The following ITGA11 variants were observed in gnomAD, a reference collection of about 807,000 sequenced individuals.
The protein encoded by ITGA11 is integrin alpha-11.
In ITGA11, 97 loss-of-function variants were observed where a neutral mutation model predicts 141.9. The observed-to-expected ratio is 0.68, with a 90% CI of 0.58 to 0.81. The LOEUF is 0.81. Among genes scored for constraint, ITGA11 ranks in the 30% least tolerant of loss-of-function variants. The pLI, the probability that ITGA11 is intolerant of heterozygous loss-of-function variation, is 0.00. For synonymous variants in ITGA11, 658 were observed against 624.6 expected, an observed-to-expected ratio of 1.05 and a Z score of -0.80; for missense variants, 1,387 against 1,559.2, an observed-to-expected ratio of 0.89 and a Z score of 1.86.
At chr15:68,339,174 C>T (rs982034231) in intron 11 of ITGA11, among the ~76,000 whole-genome samples, 13 of 152,232 alleles carry the variant, frequency 8.5e-5, no homozygotes, top group Admixed American at 2.0e-4. Flanking sequence ...GAGCCCTAGG[C>T]AGCCCCAAAA....
intron 1 of ITGA11, among the ~76,000 whole-genome samples, chr15:68,412,761 C>T (rs1053101705): frequency 9.4e-5 from 14 of 149,552 alleles, no homozygotes; most frequent in African/African-American, 2.5e-4. Context: ...CTGCAACCTC[C>T]GCCTCCCAGG....
intron 3 of ITGA11, chr15:68,365,518 T>C (rs1473871188): frequency 6.2e-6 from 1 of 161,362 alleles, no homozygotes; most frequent in Non-Finnish European, 1.3e-5. Context: ...GGAAAGGAAG[T>C]GAGTCTGAAT....
chr15:68,310,009 T>C (rs1428276893), intron 26 of ITGA11, among the ~76,000 whole-genome samples: 1 of 152,236 alleles, frequency 6.6e-6, no homozygotes, highest in Non-Finnish European at 1.5e-5. Flanking sequence ...AAATCAGGAC[T>C]GGAAGGTGGA....
At position 68,325,567 on chromosome 15, in the gene ITGA11, C is replaced by G. The variant is rs1595859844; in HGVS notation, c.2212-326G>C. On this transcript the variant is annotated intron_variant, in intron 17 of 29. Coordinates refer to ENST00000315757, the MANE Select transcript of ITGA11 (RefSeq NM_001004439.2). The surrounding 1 kb of genome is among the most constrained non-coding windows in gnomAD (Gnocchi z 5.5). ...GAAGCCTGGCAGTGCCCGCCTGTAT[C>G]CCACCCCACCCACCACTCTCTTCAG... Among the ~76,000 whole-genome samples, 1 of 151,904 alleles carries G rather than the reference C, an allele frequency of 6.6e-6. No individual in the cohort carries two copies. The highest frequency in any genetic ancestry group is 6.5e-5 in the Admixed American group (1 of 15,280).
At position 68,322,017 on chromosome 15, in the gene ITGA11, G is replaced by C. The variant is rs1893830499; in HGVS notation, c.2323-514C>G. ...GGAAGCCTTCGAGGAAGTGACAGGG[G>C]ATCAGAGTTCTGAAGGACGGTCAAG... is the stretch of plus-strand genomic sequence containing the variant. On this transcript the variant is annotated intron_variant, in intron 18 of 29. Coordinates refer to ENST00000315757, the MANE Select transcript of ITGA11 (RefSeq NM_001004439.2). The surrounding 1 kb of genome is among the most constrained non-coding windows in gnomAD (Gnocchi z 5.6). Among the ~76,000 whole-genome samples the C allele has an allele frequency of 6.6e-6, 1 of 152,248 alleles. No individual in the cohort carries two copies. The highest frequency in any genetic ancestry group is 2.4e-5 in the African/African-American group (1 of 41,458).
intron 2 of ITGA11, among the ~76,000 whole-genome samples, chr15:68,380,489 G>T (rs1438042293): frequency 6.6e-6 from 1 of 152,192 alleles, no homozygotes; most frequent in African/African-American, 2.4e-5. Context: ...CCCAGTGAGG[G>T]CAGGGAGACT....
intron 2 of ITGA11, among the ~76,000 whole-genome samples, chr15:68,374,449 G>A (rs1239362757): frequency 6.6e-6 from 1 of 152,226 alleles, no homozygotes. Context: ...AGGCCAGGGA[G>A]AGAAGTGCTG....
chr15:68,376,325 G>A (rs1233604484), intron 2 of ITGA11, among the ~76,000 whole-genome samples: 2 of 152,158 alleles, frequency 1.3e-5, no homozygotes, highest in Non-Finnish European at 2.9e-5. Flanking sequence ...CCCCAAAGCG[G>A]CCTTTCCTGA....
In ITGA11 at chr15:68,301,006, A is replaced by C. The variant is rs1373634534; in HGVS notation, c.*2053T>G. 6.6e-6 allele frequency: 1 copy of C among 152,262 alleles called. No homozygotes were observed. The highest frequency in any genetic ancestry group is 1.5e-5 in the Non-Finnish European group (1 of 68,044). 9.4% of individuals were successfully genotyped at this position (152,262 alleles called of 1,614,324 possible). On this transcript the variant is annotated 3_prime_UTR_variant, in exon 30 of 30. Coordinates refer to ENST00000315757, the MANE Select transcript of ITGA11 (RefSeq NM_001004439.2). The surrounding 1 kb of genome is among the most constrained non-coding windows in gnomAD (Gnocchi z 4.4). ...CTCATTTAGCCAGGTTACCCCATTC[A>C]TAAGAGTGATGACGGAAATGGAATA...
intron 1 of ITGA11, among the ~76,000 whole-genome samples, chr15:68,408,038 A>C (rs1896688369): frequency 6.6e-6 from 1 of 152,152 alleles, no homozygotes; most frequent in Non-Finnish European, 1.5e-5. Flanking sequence ...GAAAGTCCAA[A>C]ATGTTCCATG....
chr15:68,366,491 C>A (rs985142353), intron 3 of ITGA11, among the ~76,000 whole-genome samples: 4 of 152,100 alleles, frequency 2.6e-5, no homozygotes, highest in African/African-American at 7.2e-5. Context: ...GGCTGGGTAA[C>A]CCTCGCCCCC....
chr15:68,387,101 C>T (rs1896003647), intron 2 of ITGA11, among the ~76,000 whole-genome samples: 1 of 151,800 alleles, frequency 6.6e-6, no homozygotes, highest in Non-Finnish European at 1.5e-5. Context: ...AGAAATCTGG[C>T]AAAGTGAAGG....
Position 68,296,656 on chromosome 15 carries a change from T to C in ITGA11, c.*6403A>G, listed in dbSNP as rs1892916671. 6.6e-6 allele frequency: 1 copy of C among 152,214 alleles called. No homozygotes were observed. The highest frequency in any genetic ancestry group is 2.1e-4 in the South Asian group (1 of 4,830). The allele number at this position is 152,214 out of a possible 1,614,324, so 9.4% of individuals were successfully genotyped here. ...ACTTGTTAGAAGTTCCTTAGAAGTT[T>C]GAGGACATTTTCTCTGTCATGTAAT... On this transcript the variant is annotated 3_prime_UTR_variant, in exon 30 of 30. Coordinates refer to ENST00000315757, the MANE Select transcript of ITGA11 (RefSeq NM_001004439.2).
At chr15:68,402,540 G>C (rs901025935) in intron 2 of ITGA11, among the ~76,000 whole-genome samples, 1 of 151,878 alleles carries the variant, frequency 6.6e-6, no homozygotes, top group Non-Finnish European at 1.5e-5. Context: ...TCGCTGCCTG[G>C]GTTTCAGCTA....
At chr15:68,368,859 C>CCT (rs1895503692) in intron 3 of ITGA11, among the ~76,000 whole-genome samples, 2 of 69,002 alleles carry the variant, frequency 2.9e-5, no homozygotes, top group African/African-American at 5.6e-5. Flanking sequence ...GACAGGAAGT[C>CCT]CTTTTTTTTT....
intron 4 of ITGA11, among the ~76,000 whole-genome samples, chr15:68,362,455 T>C (rs1895275265): frequency 6.6e-6 from 1 of 152,248 alleles, no homozygotes; most frequent in Non-Finnish European, 1.5e-5. Context: ...GGTTATGTTT[T>C]ATCTGTGTAC....
In ITGA11 at chr15:68,335,950, G is replaced by A; in HGVS notation, c.1277-105C>T. ...TGCCAGAGGATGGGCCAGTGATGGG[G>A]TAGGTTCAGGGCTAGCTGAGCAGAT... On this transcript the variant is annotated intron_variant, in intron 11 of 29. Coordinates refer to ENST00000315757, the MANE Select transcript of ITGA11 (RefSeq NM_001004439.2). This position sits in a 1 kb window ranked among gnomAD's most constrained non-coding sequence, Gnocchi z 4.9. 2 of 1,323,702 alleles carry A rather than the reference G, an allele frequency of 1.5e-6. No homozygotes were observed. Among genetic ancestry groups the A allele is most frequent in the Non-Finnish European group, 2.1e-6 (2 of 957,990 alleles). The allele number at this position is 1,323,702 out of a possible 1,614,324, so 82.0% of individuals were successfully genotyped here.
intron 2 of ITGA11, among the ~76,000 whole-genome samples, chr15:68,398,341 G>C (rs1220515940): frequency 6.6e-6 from 1 of 151,652 alleles, no homozygotes; most frequent in Non-Finnish European, 1.5e-5. Context: ...AAAAAGGCAG[G>C]GGTTGCAATC....
At position 68,313,768 on chromosome 15, in the gene ITGA11, G is replaced by T. The variant is rs1311128380; in HGVS notation, c.2882+11C>A. The T allele has an allele frequency of 1.2e-6, 2 of 1,612,240 alleles. No homozygotes were observed. The highest frequency in any genetic ancestry group is 1.7e-6 in the Non-Finnish European group (2 of 1,178,760). ...CCTTCCCTCTCCTGGGGCCCCCGGA[G>T]CCCGGCCCACCTGGTGAAGAGGACG... On this transcript the variant is annotated intron_variant, in intron 23 of 29. Coordinates refer to ENST00000315757, the MANE Select transcript of ITGA11 (RefSeq NM_001004439.2).
Sources: gnomAD v4.1 joint callset for allele counts (sites outside exome capture counted in the v4.1 genomes callset) on GRCh38, gnomAD v4.1.1 for gene constraint, Gnocchi (gnomAD v3.1) non-coding constraint, MANE v1.5 for transcripts, NCBI Gene and HGNC (gene_info 2026-07-23, HGNC 2026-07-21) for gene names.